CNTN5: variants seen among roughly 807,000 people sequenced by gnomAD.
The protein encoded by CNTN5 is contactin-5.
Under a neutral mutation model 129.1 loss-of-function variants are expected in CNTN5, and 77 were observed. That is an observed-to-expected ratio of 0.60 (90% CI 0.50 to 0.72). CNTN5 has a LOEUF of 0.72. CNTN5 is among the 30% of genes least tolerant of loss of function. The probability of loss-of-function intolerance (pLI) is 0.00; values close to 1 mark genes in which losing one functional copy is unlikely to be tolerated. For missense variants in CNTN5, 1,478 were observed against 1,328.8 expected (o/e 1.11, Z -1.75); for synonymous variants, 509 against 465.6 (o/e 1.09, Z -1.20).
intron 1 of CNTN5, among the ~76,000 whole-genome samples, chr11:99,028,195 T>G (rs942319933): frequency 6.6e-6 from 1 of 151,824 alleles, no homozygotes. Flanking sequence ...ATTAACTGTT[T>G]TAAAAATATA....
At chr11:99,231,962 T>A (rs1463610134) in intron 1 of CNTN5, among the ~76,000 whole-genome samples, 1 of 152,132 alleles carries the variant, frequency 6.6e-6, no homozygotes, top group Non-Finnish European at 1.5e-5. Context: ...TGGTTGTAGT[T>A]GTGTGGTCTT....
chr11:99,151,730 A>T (rs1235794116), intron 1 of CNTN5, among the ~76,000 whole-genome samples: 2 of 152,234 alleles, frequency 1.3e-5, no homozygotes, highest in African/African-American at 4.8e-5. Context: ...GCCATAAAAA[A>T]GAATGAGTTC....
intron 6 of CNTN5, among the ~76,000 whole-genome samples, chr11:99,872,043 C>T (rs1948516198): frequency 6.6e-6 from 1 of 151,638 alleles, no homozygotes; most frequent in Non-Finnish European, 1.5e-5. Context: ...AACAAAACAA[C>T]TTTTTTAAAG....
At position 100,191,131 on chromosome 11, in the gene CNTN5, C is replaced by T; in HGVS notation, c.1586C>T (p.Ala529Val). Reference sequence around the variant, plus strand: ...TGTTTTTAAATAATTTTCAGAATAGCTATTCTTCCAGACGGGAGTCTACGG... The same window carrying T: ...TGTTTTTAAATAATTTTCAGAATAGTTATTCTTCCAGACGGGAGTCTACGG... Reference protein sequence around the residue: ...DRAVRENKRIAILPDGSLRIL... With the variant: ...DRAVRENKRIVILPDGSLRIL... The change falls in exon 14 of 25, where the codon GCT (alanine) becomes GTT (valine). Residue 529 changes from alanine to valine, a missense_variant. Transcript: ENST00000524871. The T allele has an allele frequency of 6.3e-7, 1 of 1,586,080 alleles. No individual in the cohort carries two copies. The highest frequency in any genetic ancestry group is 1.4e-5 in the African/African-American group (1 of 73,256).
chr11:99,082,853 C>T (rs1488119125), intron 1 of CNTN5, among the ~76,000 whole-genome samples: 1 of 152,040 alleles, frequency 6.6e-6, no homozygotes, highest in African/African-American at 2.4e-5. Flanking sequence ...AACATAGCTA[C>T]ATTATGACTT....
chr11:99,087,569 T>C (rs1001091048), intron 1 of CNTN5, among the ~76,000 whole-genome samples: 1 of 152,184 alleles, frequency 6.6e-6, no homozygotes, highest in Non-Finnish European at 1.5e-5. Flanking sequence ...TTACAGCATT[T>C]ACCACCGTCA....
intron 8 of CNTN5, among the ~76,000 whole-genome samples, chr11:99,981,103 T>TATATATATATATATACAC (rs1014330113): frequency 7.3e-5 from 4 of 54,508 alleles, no homozygotes; most frequent in South Asian, 9.8e-4. Context: ...TATATATATA[T>TATATATATATATATACAC]ACACACACAC....
chr11:100,184,767 G>A (rs1336639215), intron 13 of CNTN5, among the ~76,000 whole-genome samples: 1 of 152,092 alleles, frequency 6.6e-6, no homozygotes, highest in African/African-American at 2.4e-5. Context: ...ATTTTCTAAA[G>A]TGCTTACATA....
intron 3 of CNTN5, among the ~76,000 whole-genome samples, chr11:99,602,166 A>G (rs1450633309): frequency 6.6e-6 from 1 of 152,076 alleles, no homozygotes; most frequent in African/African-American, 2.4e-5. Flanking sequence ...CAAAATAGTT[A>G]CCATGAGATA....
chr11:99,118,479 T>C (rs1197000481), intron 1 of CNTN5, among the ~76,000 whole-genome samples: 1 of 152,124 alleles, frequency 6.6e-6, no homozygotes, highest in African/African-American at 2.4e-5. Flanking sequence ...ACTCAGTGGG[T>C]CTTTCTGGAG....
intron 1 of CNTN5, among the ~76,000 whole-genome samples, chr11:99,286,098 A>G (rs948530825): frequency 2.0e-5 from 3 of 150,440 alleles, no homozygotes; most frequent in Admixed American, 2.0e-4. Flanking sequence ...ATATTTTTCC[A>G]TTTACTTTCA....
intron 13 of CNTN5, among the ~76,000 whole-genome samples, chr11:100,163,942 T>C (rs1947538938): frequency 6.6e-6 from 1 of 151,820 alleles, no homozygotes; most frequent in Non-Finnish European, 1.5e-5. Flanking sequence ...ATTTTACAAA[T>C]GAAAGAATTG....
chr11:100,319,358 G>T (rs540777146), intron 21 of CNTN5, among the ~76,000 whole-genome samples: 312 of 152,058 alleles, frequency 2.1e-3, no homozygotes, highest in Non-Finnish European at 3.4e-3. Context: ...TCACCATGTT[G>T]CCCAGGCTGG....
chr11:99,519,359 T>TC (rs1423468068), intron 2 of CNTN5, among the ~76,000 whole-genome samples: 3 of 152,060 alleles, frequency 2.0e-5, no homozygotes, highest in Non-Finnish European at 4.4e-5. Context: ...ATCCTTACAG[T>TC]TTGTTCACAG....
At chr11:99,861,946 T>G (rs1384861797) in intron 6 of CNTN5, among the ~76,000 whole-genome samples, 1 of 152,220 alleles carries the variant, frequency 6.6e-6, no homozygotes, top group Non-Finnish European at 1.5e-5. Context: ...ACAGTTAAAG[T>G]TTAGAAGCCA....
intron 13 of CNTN5, among the ~76,000 whole-genome samples, chr11:100,162,050 C>T (rs1007808874): frequency 2.6e-5 from 4 of 151,624 alleles, no homozygotes; most frequent in African/African-American, 4.8e-5. Context: ...GCCATTCATT[C>T]GTCCAAGTGG....
chr11:99,069,086 AT>A (rs1269389534), intron 1 of CNTN5, among the ~76,000 whole-genome samples: 3 of 152,132 alleles, frequency 2.0e-5, no homozygotes, highest in Admixed American at 1.3e-4. Flanking sequence ...AAGGTTGAGC[AT>A]TACTGGCAGA....
chr11:99,871,062 A>T (rs1467304739), intron 6 of CNTN5, among the ~76,000 whole-genome samples: 1 of 152,080 alleles, frequency 6.6e-6, no homozygotes, highest in East Asian at 1.9e-4. Context: ...ATTTACTAAT[A>T]ATAGAATCAA....
chr11:99,076,501 TGTG>T (rs1220665624), intron 1 of CNTN5, among the ~76,000 whole-genome samples: 2 of 151,996 alleles, frequency 1.3e-5, no homozygotes, highest in Non-Finnish European at 2.9e-5. Flanking sequence ...GAATCCTAAA[TGTG>T]GTAATAACTG....
Sources: allele counts gnomAD v4.1 joint callset (sites outside exome capture counted in the v4.1 genomes callset), GRCh38; gene constraint gnomAD v4.1.1; transcripts MANE v1.5; gene names NCBI Gene and HGNC (gene_info 2026-07-23, HGNC 2026-07-21).